The following AP3D1 variants were observed in gnomAD, a reference collection of about 807,000 sequenced individuals.
AP3D1 encodes adaptor related protein complex 3 subunit delta 1, also known as AP-3 complex subunit delta-1.
A neutral mutation model predicts 147.6 loss-of-function variants in AP3D1; 51 were observed. The observed-to-expected ratio is 0.35, with a 90% confidence interval of 0.28 to 0.44. The LOEUF (loss-of-function observed/expected upper bound fraction) is 0.44, where lower values mean the gene tolerates loss of function less well. Ranked by LOEUF, AP3D1 falls within the 20% of genes least tolerant of loss-of-function variation. The probability of loss-of-function intolerance (pLI) is 1.00; values close to 1 mark genes in which losing one functional copy is unlikely to be tolerated. For synonymous variants in AP3D1, 760 were observed against 663.0 expected (o/e 1.15, Z -2.25); for missense variants, 1,421 against 1,624.2 (o/e 0.87, Z 2.15).
intron 1 of AP3D1, 106 bp from the exon 2 acceptor site, chr19:2,138,820 G>C: frequency 2.6e-6 from 2 of 766,788 alleles, no homozygotes; most frequent in Non-Finnish European, 4.5e-6. Flanking sequence ...CCAGCACTTT[G>C]GGAGGCCGAG....
chr19:2,111,881 C>A (rs1189955362), intron 24 of AP3D1, 53 bp from the exon 25 acceptor site: 2 of 1,608,118 alleles, frequency 1.2e-6, no homozygotes, highest in African/African-American at 2.7e-5. Context: ...AGCACGCCCC[C>A]ATCACAGTGT....
chr19:2,129,933 TCCA>T (rs1164796516), intron 6 of AP3D1, among the ~76,000 whole-genome samples: 1 of 152,060 alleles, frequency 6.6e-6, no homozygotes, highest in African/African-American at 2.4e-5. Flanking sequence ...GGCTTTGGGG[TCCA>T]CCGACCCACG....
chr19:2,108,416 G>A (rs545306275), intron 31 of AP3D1, among the ~76,000 whole-genome samples: 1 of 152,288 alleles, frequency 6.6e-6, no homozygotes, highest in South Asian at 2.1e-4. Context: ...GGGGTGGGGT[G>A]GTGGGCAGGA....
chr19:2,114,721 C>T (rs200152800), intron 21 of AP3D1, 27 bp downstream of exon 21: 2 of 1,609,218 alleles, frequency 1.2e-6, no homozygotes, highest in South Asian at 1.1e-5. Context: ...TGGCCTCCAC[C>T]CTCACCCTGA....
intron 6 of AP3D1, 141 bp downstream of exon 6, chr19:2,130,267 C>CA: frequency 7.4e-7 from 1 of 1,347,780 alleles, no homozygotes; most frequent in South Asian, 1.4e-5. Context: ...AGGGGAGGCC[C>CA]AGCCACCTCC....
In AP3D1 at chr19:2,117,383, G is replaced by A; in HGVS notation, c.1714-16C>T. On this transcript the variant is annotated splice_polypyrimidine_tract_variant and intron_variant, in intron 15 of 31. Coordinates refer to ENST00000643116, the MANE Select transcript of AP3D1 (RefSeq NM_001261826.3). ...TGCAGGACGCCTGTGGGGGACACAG[G>A]GGTCACTGCTGGCACCTGCCCGGAA... 6.3e-7 allele frequency: 1 copy of A among 1,577,244 alleles called. No homozygotes were observed. The highest frequency in any genetic ancestry group is 8.6e-7 in the Non-Finnish European group (1 of 1,163,032).
rs1568298387 is a variant in AP3D1, at chr19:2,132,370, C to A, written c.462+101G>T. On this transcript the variant is annotated intron_variant, in intron 5 of 31. Transcript: ENST00000643116. ...TCAGGCAGGCCACGCACCGGGGACC[C>A]CGGCCGGTTTCCGCATAGCCAAGCT... is the stretch of plus-strand genomic sequence containing the variant. 7 of 1,092,928 alleles carry A rather than the reference C, an allele frequency of 6.4e-6. No homozygotes were observed. In the East Asian group the frequency reaches 1.7e-4, roughly 27 times the overall value. 67.7% of individuals were successfully genotyped at this position (1,092,928 alleles called of 1,614,324 possible).
chr19:2,137,916 A>T, intron 2 of AP3D1, 109 bp from the exon 3 acceptor site: 5 of 909,946 alleles, frequency 5.5e-6, no homozygotes, highest in Non-Finnish European at 6.8e-6. Flanking sequence ...GAACAGACTC[A>T]TTCACTGTCA....
In AP3D1 at chr19:2,115,280, T is replaced by C. The variant is rs746019376; in HGVS notation, c.2288A>G (p.Glu763Gly). The change falls in exon 20 of 32, where the codon GAG becomes GGG. Residue 763 changes from glutamate to glycine, a missense_variant. By Grantham distance (98) the Glu-to-Gly change is moderately conservative (BLOSUM62 -2). Transcript: ENST00000643116. Reference sequence around the variant, plus strand: ...GGCAGGGGCGATGTCCTCGTCGCTCTCCGTGGGCAGCGAGCTGTGGCGGCG... The same window carrying C: ...GGCAGGGGCGATGTCCTCGTCGCTCCCCGTGGGCAGCGAGCTGTGGCGGCG... Reference protein sequence around the residue: ...GKRRHSSLPTESDEDIAPAQQ... With the variant: ...GKRRHSSLPTGSDEDIAPAQQ... 3.7e-6 allele frequency: 6 copies of C among 1,613,496 alleles called. No individual in the cohort carries two copies. In the South Asian group the frequency reaches 5.5e-5, roughly 15 times the overall value.
At position 2,129,094 on chromosome 19, in the gene AP3D1, G is replaced by T. The variant is rs2018858539; in HGVS notation, c.802C>A (p.His268Asn). ...CCGCGCATGGCCTGCACTCACCTGT[G>T]GATGAGATTGGTGAGGGGCTCGATC... ...KLIEPLTNLI[H>N]STSAMSLLYE... The change falls in exon 8 of 32, where the codon CAC becomes AAC. Residue 268 changes from histidine (H) to asparagine (N), a missense_variant. By Grantham distance (68) the His-to-Asn change is moderately conservative. Around this residue, in one of 6 missense-constraint regions of AP3D1, gnomAD observed 292 missense variants for 412.0 expected, o/e 0.71. Coordinates refer to ENST00000643116, the MANE Select transcript of AP3D1 (RefSeq NM_001261826.3). The T allele has an allele frequency of 6.3e-7, 1 of 1,585,340 alleles. No individual in the cohort carries two copies. The highest frequency in any genetic ancestry group is 8.6e-7 in the Non-Finnish European group (1 of 1,166,806).
In AP3D1 at chr19:2,101,327, C is replaced by G. The variant is rs1309893530; in HGVS notation, c.*846G>C. 6 of 152,300 alleles carry G rather than the reference C, an allele frequency of 3.9e-5. No individual in the cohort carries two copies. The highest frequency in any genetic ancestry group is 1.4e-4 in the African/African-American group (6 of 41,438). 9.4% of individuals were successfully genotyped at this position (152,300 alleles called of 1,614,324 possible). ...CTCTCACAGGTCCTGCCCAAGGGCA[C>G]TGGGCACACTCCTTCAACACAGAAC... On this transcript the variant is annotated 3_prime_UTR_variant, in exon 32 of 32. Coordinates refer to ENST00000643116, the MANE Select transcript of AP3D1 (RefSeq NM_001261826.3).
chr19:2,109,697 G>C (rs1466841493), intron 29 of AP3D1, 176 bp downstream of exon 29: 2 of 628,970 alleles, frequency 3.2e-6, no homozygotes, highest in Non-Finnish European at 5.6e-6. Flanking sequence ...TCAACTACAC[G>C]GCCCCGGCTG....
upstream of AP3D1, among the ~76,000 whole-genome samples, chr19:2,154,608 G>A (rs1303797526): frequency 6.6e-6 from 1 of 152,168 alleles, no homozygotes; most frequent in Non-Finnish European, 1.5e-5. Context: ...CTCAGGCGAA[G>A]CCCTAGGGAA....
Position 2,109,192 on chromosome 19 carries a change from CT to C in AP3D1, c.3365del (p.Lys1122SerfsTer8). 6.2e-7 allele frequency: 1 copy of C among 1,602,426 alleles called. No homozygotes were observed. The highest frequency in any genetic ancestry group is 8.5e-7 in the Non-Finnish European group (1 of 1,175,400). On this transcript the variant is annotated frameshift_variant, in exon 30 of 32. Coordinates refer to ENST00000643116, the MANE Select transcript of AP3D1 (RefSeq NM_001261826.3). LOFTEE classifies it high-confidence loss of function. ...TTPCYSDAFA[K>X]LLESGDLSMS... is the part of the protein sequence containing the mutation. ...TGCTCAAGTCCCCAGACTCCAGCAACTTAGCAAAGGCGTCACTGTGGGAGGG... is the reference window on the plus strand; with the variant it reads ...TGCTCAAGTCCCCAGACTCCAGCAACTAGCAAAGGCGTCACTGTGGGAGGG...
chr19:2,111,649 G>T, intron 25 of AP3D1, 30 bp downstream of exon 25: 2 of 1,559,462 alleles, frequency 1.3e-6, no homozygotes, highest in Non-Finnish European at 1.7e-6. Context: ...GAACCCCGGC[G>T]TGGGGCGGGG....
intron 1 of AP3D1, among the ~76,000 whole-genome samples, chr19:2,149,146 G>C (rs920355057): frequency 6.6e-6 from 1 of 152,158 alleles, no homozygotes; most frequent in Admixed American, 6.6e-5. Context: ...CAGTGAGAAA[G>C]CCAGGGTCCC....
intron 1 of AP3D1, among the ~76,000 whole-genome samples, chr19:2,143,717 C>T (rs117731829): frequency 0.018 from 2,747 of 151,840 alleles, 35 homozygotes; most frequent in Middle Eastern, 0.051. Context: ...TAGGGGGCCG[C>T]GATCGCACCA....
Position 2,136,994 on chromosome 19 carries a change from G to A in AP3D1, c.354+17C>T, listed in dbSNP as rs756625066. On this transcript the variant is annotated intron_variant, in intron 4 of 31. Coordinates refer to ENST00000643116, the MANE Select transcript of AP3D1 (RefSeq NM_001261826.3). Reference sequence around the variant, plus strand: ...ACTGCACTCAGCACAGAGCGGCCCCGGCCCGGGAACACCCACCTTACGGAT... The same window carrying A: ...ACTGCACTCAGCACAGAGCGGCCCCAGCCCGGGAACACCCACCTTACGGAT... 1.3e-5 allele frequency: 20 copies of A among 1,573,070 alleles called. No homozygotes were observed. The highest frequency in any genetic ancestry group is 2.4e-5 in the East Asian group (1 of 42,024).
chr19:2,114,349 C>G lies in AP3D1; in HGVS notation c.2424-47G>C, dbSNP rs748701418. 4.0e-6 allele frequency: 6 copies of G among 1,498,820 alleles called. No homozygotes were observed. In the South Asian group the frequency reaches 5.7e-5, roughly 14 times the overall value. The allele number at this position is 1,498,820 out of a possible 1,614,324, so 92.8% of individuals were successfully genotyped here. On this transcript the variant is annotated intron_variant, in intron 21 of 31. Transcript: ENST00000643116. ...CACACATCAGCACCACTGGCCACCC[C>G]CCAGGACCACTCAGTACATGCCGTG...
Sources: gnomAD v4.1 joint callset for allele counts (sites outside exome capture counted in the v4.1 genomes callset) on GRCh38, gnomAD v4.1.1 for gene constraint, gnomAD v4.1.1 regional missense constraint, MANE v1.5 for transcripts, NCBI Gene and HGNC (gene_info 2026-07-23, HGNC 2026-07-21) for gene names.